Variants in NR1D2 observed in about 807,000 individuals in gnomAD.
NR1D2 encodes nuclear receptor subfamily 1 group D member 2, also known as V-erbA-related protein 1-related.
A neutral mutation model predicts 52.2 loss-of-function variants in NR1D2; 25 were observed. The observed-to-expected ratio is 0.48, with a 90% confidence interval of 0.35 to 0.67. The LOEUF (loss-of-function observed/expected upper bound fraction) is 0.67, where lower values mean the gene tolerates loss of function less well. NR1D2 is among the 30% of genes least tolerant of loss of function. NR1D2 has a pLI of 0.01. For missense variants in NR1D2, 681 were observed against 707.2 expected (o/e 0.96, Z 0.42); for synonymous variants, 259 against 230.1 (o/e 1.13, Z -1.14).
chr3:23,974,088 C>G (rs925000429), intron 7 of NR1D2, among the ~76,000 whole-genome samples: 1 of 79,508 alleles, frequency 1.3e-5, no homozygotes. Flanking sequence ...TTACAGTTAC[C>G]TTTTTTTTTT....
At chr3:23,960,662 T>C (rs758244774) in intron 4 of NR1D2, among the ~76,000 whole-genome samples, 6 of 152,144 alleles carry the variant, frequency 3.9e-5, no homozygotes, top group East Asian at 1.9e-4. Context: ...ATTTCAGCAA[T>C]TGATGTTTTG....
rs539336507 is a variant in NR1D2 at position 23,977,556 on chromosome 3, A to T, written c.*137A>T. On this transcript the variant is annotated 3_prime_UTR_variant, in exon 8 of 8. Coordinates refer to ENST00000312521, the MANE Select transcript of NR1D2 (RefSeq NM_005126.5). Reference sequence around the variant, plus strand: ...AAGATTGTAGGCTATCTCTGTAATCATGCAATAGCTGTTCGGATTGAGAAC... The same window carrying T: ...AAGATTGTAGGCTATCTCTGTAATCTTGCAATAGCTGTTCGGATTGAGAAC... 1 of 507,952 alleles carries T rather than the reference A, an allele frequency of 2.0e-6. No individual in the cohort carries two copies. The highest frequency in any genetic ancestry group is 1.9e-5 in the African/African-American group (1 of 51,344). 31.5% of individuals were successfully genotyped at this position (507,952 alleles called of 1,614,324 possible).
At chr3:23,964,951 G>T in intron 5 of NR1D2, 26 bp from the exon 6 acceptor site, 2 of 1,495,858 alleles carry the variant, frequency 1.3e-6, no homozygotes, top group Non-Finnish European at 9.1e-7. Context: ...TAGTATTTAA[G>T]AGTTTTTCCG....
At chr3:23,964,885 C>A in intron 5 of NR1D2, 92 bp from the exon 6 acceptor site, 1 of 838,608 alleles carries the variant, frequency 1.2e-6, no homozygotes, top group Non-Finnish European at 1.9e-6. Flanking sequence ...GGGTTAAATT[C>A]ATGTTGGGGT....
At chr3:23,970,574 C>T (rs1005919809) in intron 7 of NR1D2, among the ~76,000 whole-genome samples, 2 of 152,072 alleles carry the variant, frequency 1.3e-5, no homozygotes, top group African/African-American at 4.8e-5. Flanking sequence ...TCCATCTATC[C>T]ATTTACCTGT....
rs1348204464 is a variant in NR1D2, at chr3:23,962,101, A to G, written c.642A>G (p.Glu214=). The part of the protein sequence containing the change: ...SGHLQNDTLV[E]HHEQTALPAQ... Reference sequence around the variant, plus strand: ...ACTTGCAAAATGACACATTAGTAGAACATCATGAACAGACAGCCTTGCCAG... The same window carrying G: ...ACTTGCAAAATGACACATTAGTAGAGCATCATGAACAGACAGCCTTGCCAG... The change falls in exon 5 of 8, where the codon GAA becomes GAG. Residue 214 remains glutamate, a synonymous_variant. Transcript: ENST00000312521. 7 of 1,614,204 alleles carry G rather than the reference A, an allele frequency of 4.3e-6. No homozygotes were observed. Among genetic ancestry groups the G allele is most frequent in the Admixed American group, 1.7e-5 (1 of 60,026 alleles).
chr3:23,966,759 G>C (rs1361287932), intron 6 of NR1D2, among the ~76,000 whole-genome samples: 1 of 152,212 alleles, frequency 6.6e-6, no homozygotes, highest in Non-Finnish European at 1.5e-5. Flanking sequence ...ACCGGGTGCA[G>C]TGGCTCATGC....
intron 5 of NR1D2, chr3:23,964,620 A>G (rs1258830777): frequency 1.2e-5 from 2 of 160,858 alleles, no homozygotes; most frequent in South Asian, 2.0e-4. Context: ...TTGAGAATCA[A>G]ACAATTGAAT....
chr3:23,947,726 C>T (rs1417579590), intron 1 of NR1D2, among the ~76,000 whole-genome samples: 1 of 152,202 alleles, frequency 6.6e-6, no homozygotes, highest in Non-Finnish European at 1.5e-5. Flanking sequence ...TAAAATTTCT[C>T]TCGTTCATTT....
intron 1 of NR1D2, among the ~76,000 whole-genome samples, chr3:23,945,944 A>AGGCGGC (rs1302905218): frequency 1.3e-5 from 2 of 149,720 alleles, no homozygotes; most frequent in Non-Finnish European, 3.0e-5. Flanking sequence ...ATGGGCGCTG[A>AGGCGGC]GGCGGCGGCG....
chr3:23,965,254 T>TG, intron 6 of NR1D2, 92 bp downstream of exon 6: 1 of 1,048,228 alleles, frequency 9.5e-7, no homozygotes, highest in Non-Finnish European at 1.3e-6. Context: ...TTTTTTTTTT[T>TG]TTTGAGACAG....
Position 23,980,214 on chromosome 3 carries a change from T to G in NR1D2, c.*2795T>G, listed in dbSNP as rs1285296920. 2 of 152,196 alleles carry G rather than the reference T, an allele frequency of 1.3e-5. No homozygotes were observed. Among genetic ancestry groups the G allele is most frequent in the African/African-American group, 4.8e-5 (2 of 41,460 alleles). The allele number at this position is 152,196 out of a possible 1,614,324, so 9.4% of individuals were successfully genotyped here. ...GTAAACATCTTTGCAAAGCAAGGTG[T>G]AGCAGCTCAGCTAGATTTATTACTG... On this transcript the variant is annotated 3_prime_UTR_variant, in exon 8 of 8. Transcript: ENST00000312521.
intron 1 of NR1D2, chr3:23,946,159 C>G (rs1474941256): frequency 1.0e-6 from 1 of 985,010 alleles, no homozygotes; most frequent in Non-Finnish European, 1.2e-6. Context: ...CGGAGGAGGC[C>G]GCGCGTGCGC....
intron 1 of NR1D2, among the ~76,000 whole-genome samples, chr3:23,948,964 C>T (rs986182790): frequency 1.3e-5 from 2 of 152,214 alleles, no homozygotes; most frequent in African/African-American, 2.4e-5. Flanking sequence ...CCAGTTTCAT[C>T]AGTCCTCTCT....
intron 1 of NR1D2, among the ~76,000 whole-genome samples, chr3:23,952,519 G>A (rs527878743): frequency 6.6e-6 from 1 of 151,924 alleles, no homozygotes; most frequent in South Asian, 2.1e-4. Context: ...TGACCAGCCT[G>A]GGCAACATGG....
At position 23,967,920 on chromosome 3, in the gene NR1D2, G is replaced by T; in HGVS notation, c.1440G>T (p.Gly480=). 6.2e-7 allele frequency: 1 copy of T among 1,612,936 alleles called. No individual in the cohort carries two copies. Among genetic ancestry groups the T allele is most frequent in the African/African-American group, 1.3e-5 (1 of 75,004 alleles). ...SVDDLHSMGA[G]DLLNSMFEFS... is the part of the protein sequence containing the mutation. Reference sequence around the variant, plus strand: ...ATGATTTACACTCAATGGGAGCAGGGGATCTGCTAAACTCTATGTTTGAAT... The same window carrying T: ...ATGATTTACACTCAATGGGAGCAGGTGATCTGCTAAACTCTATGTTTGAAT... The change falls in exon 7 of 8, where the codon GGG becomes GGT. Residue 480 remains glycine, a synonymous_variant. Coordinates refer to ENST00000312521, the MANE Select transcript of NR1D2 (RefSeq NM_005126.5).
rs1281301611 is a variant in NR1D2, at chr3:23,945,469, C to T, written c.-110C>T. ...CGCCCGCTCTGCCCATGAGGGGGCCCCGCGACCACCGCTGCTTCCAGCCCG... is the reference window on the plus strand; with the variant it reads ...CGCCCGCTCTGCCCATGAGGGGGCCTCGCGACCACCGCTGCTTCCAGCCCG... On this transcript the variant is annotated 5_prime_UTR_variant, in exon 1 of 8. Coordinates refer to ENST00000312521, the MANE Select transcript of NR1D2 (RefSeq NM_005126.5). The T allele has an allele frequency of 6.6e-6, 4 of 609,482 alleles. No homozygotes were observed. Among genetic ancestry groups the T allele is most frequent in the African/African-American group, 2.0e-5 (1 of 49,926 alleles). The allele number at this position is 609,482 out of a possible 1,614,324, so 37.8% of individuals were successfully genotyped here.
chr3:23,971,808 A>T (rs1706597566), intron 7 of NR1D2, among the ~76,000 whole-genome samples: 2 of 152,162 alleles, frequency 1.3e-5, no homozygotes, highest in South Asian at 4.1e-4. Context: ...CCTTTTATGT[A>T]GTCAATTAAA....
At chr3:23,946,382 C>T (rs1398813742) in intron 1 of NR1D2, 1 of 824,878 alleles carries the variant, frequency 1.2e-6, no homozygotes, top group Non-Finnish European at 1.5e-6. Flanking sequence ...GAGGAGGCGC[C>T]TCGGGGAAGG....
Sources: gnomAD v4.1 joint callset for allele counts (sites outside exome capture counted in the v4.1 genomes callset) on GRCh38, gnomAD v4.1.1 for gene constraint, MANE v1.5 for transcripts, NCBI Gene and HGNC (gene_info 2026-07-23, HGNC 2026-07-21) for gene names.